The following CFAP54 variants were observed in gnomAD, a reference collection of about 807,000 sequenced individuals.
The protein encoded by CFAP54 is cilia and flagella associated protein 54, also known as cilia- and flagella-associated protein 54.
Under a neutral mutation model 370.4 loss-of-function variants are expected in CFAP54, and 290 were observed. That is an observed-to-expected ratio of 0.78 (90% CI 0.71 to 0.86). The LOEUF is 0.86. Ranked by LOEUF, CFAP54 falls within the 40% of genes least tolerant of loss-of-function variation. The pLI, the probability that CFAP54 is intolerant of heterozygous loss-of-function variation, is 0.00. For missense variants in CFAP54, 3,399 were observed against 3,528.7 expected (o/e 0.96, Z 0.93); for synonymous variants, 1,206 against 1,236.5 (o/e 0.98, Z 0.52).
chr12:96,718,319 A>G, intron 48 of CFAP54, 124 bp from the exon 49 acceptor site: 1 of 595,630 alleles, frequency 1.7e-6, no homozygotes, highest in South Asian at 1.7e-5. Flanking sequence ...AGATTGTGCC[A>G]CTGTGCTCCA....
chr12:96,695,000 G>A (rs962573614), intron 45 of CFAP54, among the ~76,000 whole-genome samples: 12 of 151,926 alleles, frequency 7.9e-5, no homozygotes, highest in Admixed American at 3.9e-4. Context: ...CAGCCTGGGC[G>A]ACAGGGCGAG....
chr12:96,640,521 A>G (rs1956713794), intron 32 of CFAP54, among the ~76,000 whole-genome samples: 2 of 152,230 alleles, frequency 1.3e-5, no homozygotes, highest in South Asian at 2.1e-4. Flanking sequence ...TATAGATTCA[A>G]TGCCATCCCC....
chr12:96,535,610 C>G lies in CFAP54; in HGVS notation c.1791+10C>G. On this transcript the variant is annotated intron_variant, in intron 12 of 67. Transcript: ENST00000524981. ...CTGCACTGCTCCCCAGGTGAAATAGCTATTTTAAATAATTTTTATTAGTGT... is the reference window on the plus strand; with the variant it reads ...CTGCACTGCTCCCCAGGTGAAATAGGTATTTTAAATAATTTTTATTAGTGT... 1 of 1,517,318 alleles carries G rather than the reference C, an allele frequency of 6.6e-7. No homozygotes were observed. Among genetic ancestry groups the G allele is most frequent in the Non-Finnish European group, 8.8e-7 (1 of 1,132,876 alleles). The allele number at this position is 1,517,318 out of a possible 1,614,324, so 94.0% of individuals were successfully genotyped here.
At chr12:96,856,577 C>G (rs960624806) in intron 66 of CFAP54, among the ~76,000 whole-genome samples, 1 of 151,978 alleles carries the variant, frequency 6.6e-6, no homozygotes, top group Non-Finnish European at 1.5e-5. Context: ...CTCCAGTTCC[C>G]AACAAGTCCC....
chr12:96,862,841 T>C (rs1457247198), intron 67 of CFAP54, among the ~76,000 whole-genome samples: 1 of 152,170 alleles, frequency 6.6e-6, no homozygotes, highest in Non-Finnish European at 1.5e-5. Context: ...GAGATCACTT[T>C]GAAGGGTTTG....
At chr12:96,768,621 G>A (rs1370861867) in intron 60 of CFAP54, among the ~76,000 whole-genome samples, 1 of 152,148 alleles carries the variant, frequency 6.6e-6, no homozygotes, top group Admixed American at 6.5e-5. Context: ...GCCACTCACT[G>A]CACTCCAGCC....
intron 36 of CFAP54, among the ~76,000 whole-genome samples, chr12:96,652,285 T>C (rs1956868522): frequency 2.0e-5 from 3 of 152,176 alleles, no homozygotes; most frequent in Admixed American, 1.3e-4. Flanking sequence ...GTAATATAAA[T>C]AGAATATAAC....
intron 38 of CFAP54, among the ~76,000 whole-genome samples, chr12:96,662,933 A>T (rs1168163411): frequency 6.6e-6 from 1 of 152,066 alleles, no homozygotes; most frequent in Non-Finnish European, 1.5e-5. Context: ...ATTCTTTAAT[A>T]TATTATATAA....
chr12:96,690,016 T>G (rs912729883), intron 43 of CFAP54, among the ~76,000 whole-genome samples: 11 of 152,184 alleles, frequency 7.2e-5, no homozygotes, highest in Admixed American at 5.2e-4. Context: ...GGCAAGGGTG[T>G]AAAGGAAATG....
intron 26 of CFAP54, among the ~76,000 whole-genome samples, chr12:96,608,756 C>G (rs907391645): frequency 5.9e-5 from 9 of 151,962 alleles, no homozygotes; most frequent in Admixed American, 1.3e-4. Flanking sequence ...GCCACCACGC[C>G]CAGCTGCATA....
intron 66 of CFAP54, among the ~76,000 whole-genome samples, chr12:96,859,274 G>A (rs1445725455): frequency 6.6e-6 from 1 of 152,130 alleles, no homozygotes; most frequent in Non-Finnish European, 1.5e-5. Flanking sequence ...ATAATTTCTA[G>A]CTTATGCATG....
At chr12:96,820,787 C>A (rs775932892) in intron 65 of CFAP54, among the ~76,000 whole-genome samples, 14 of 152,058 alleles carry the variant, frequency 9.2e-5, no homozygotes, top group Non-Finnish European at 1.6e-4. Context: ...TGTCTATTTT[C>A]AAAAATAATT....
In CFAP54 at chr12:96,830,185, G is replaced by A. The variant is rs549356606; in HGVS notation, c.9171+1097G>A. 2.6e-5 allele frequency among the ~76,000 whole-genome samples: 4 copies of A among 152,248 alleles called. No individual in the cohort carries two copies. In the South Asian group the frequency reaches 8.3e-4, roughly 32 times the overall value. ...GTAAGTAATATTGCTATGAACGTTAGTGTACAAATCTGAAGCCTTGATTTC... is the reference window on the plus strand; with the variant it reads ...GTAAGTAATATTGCTATGAACGTTAATGTACAAATCTGAAGCCTTGATTTC... On this transcript the variant is annotated intron_variant, in intron 66 of 67. Transcript: ENST00000524981.
chr12:96,516,862 T>G (rs1474443916), intron 5 of CFAP54, among the ~76,000 whole-genome samples: 3 of 152,160 alleles, frequency 2.0e-5, no homozygotes, highest in Non-Finnish European at 4.4e-5. Context: ...CTTTAAATGG[T>G]GTAAGCTGAT....
At chr12:96,544,997 C>T (rs577566211) in intron 14 of CFAP54, among the ~76,000 whole-genome samples, 18 of 152,090 alleles carry the variant, frequency 1.2e-4, no homozygotes, top group East Asian at 9.7e-4. Context: ...CTGCAGCCTC[C>T]GCCTCCTGGG....
chr12:96,870,373 C>T (rs1268407258), intron 67 of CFAP54, among the ~76,000 whole-genome samples: 1 of 152,108 alleles, frequency 6.6e-6, no homozygotes, highest in Non-Finnish European at 1.5e-5. Context: ...CATCAAGGAA[C>T]AACTACCCTA....
intron 67 of CFAP54, among the ~76,000 whole-genome samples, chr12:96,862,057 G>A (rs1460347519): frequency 6.6e-6 from 1 of 152,070 alleles, no homozygotes; most frequent in African/African-American, 2.4e-5. Flanking sequence ...ATAGTAGCTG[G>A]CAGTTGACAT....
intron 24 of CFAP54, 26 bp downstream of exon 24, chr12:96,592,663 C>T: frequency 1.2e-6 from 1 of 802,142 alleles, no homozygotes; most frequent in Non-Finnish European, 1.8e-6. Flanking sequence ...TGACTAAAAA[C>T]ATGTCAGATT....
intron 22 of CFAP54, among the ~76,000 whole-genome samples, 169 bp from the exon 23 acceptor site, chr12:96,589,258 T>A (rs1956102771): frequency 6.6e-6 from 1 of 152,242 alleles, no homozygotes; most frequent in Non-Finnish European, 1.5e-5. Flanking sequence ...GGCCGTTACC[T>A]GACCATGGCA....
Sources: gnomAD v4.1 joint callset for allele counts (sites outside exome capture counted in the v4.1 genomes callset) on GRCh38, gnomAD v4.1.1 for gene constraint, MANE v1.5 for transcripts, NCBI Gene and HGNC (gene_info 2026-07-23, HGNC 2026-07-21) for gene names.